The following VSIG10L2 variants were observed in gnomAD, a reference collection of about 807,000 sequenced individuals.
VSIG10L2 encodes V-set and immunoglobulin domain-containing protein 10-like 2.
Under a neutral mutation model 67.1 loss-of-function variants are expected in VSIG10L2, and 56 were observed. The observed-to-expected ratio is 0.83, with a 90% CI of 0.67 to 1.04. VSIG10L2 has a LOEUF of 1.04. VSIG10L2 is among the 50% of genes least tolerant of loss of function. VSIG10L2 has a pLI of 0.00. For synonymous variants in VSIG10L2, 360 were observed against 396.6 expected (o/e 0.91, Z 1.10); for missense variants, 843 against 932.8 (o/e 0.90, Z 1.25).
intron 5 of VSIG10L2, 128 bp from the exon 6 acceptor site, chr11:125,951,685 G>C: frequency 2.1e-6 from 2 of 931,090 alleles, no homozygotes; most frequent in South Asian, 1.8e-5. Context: ...ATGAGTGTGT[G>C]AATGAGTGAG....
In VSIG10L2 at chr11:125,955,802, A is replaced by T. The variant is rs1945461599; in HGVS notation, c.2285-15A>T. 1.2e-6 allele frequency: 1 copy of T among 829,866 alleles called. No homozygotes were observed. The highest frequency in any genetic ancestry group is 2.0e-6 in the Non-Finnish European group (1 of 503,716). 51.4% of individuals were successfully genotyped at this position (829,866 alleles called of 1,614,324 possible). A position where few individuals can be genotyped will look rare whatever the true frequency, so the allele number is the denominator to read the frequency against. The stretch of plus-strand genomic sequence containing the variant: ...AAGCATCCCTCTGTTCTTTGCCCAC[A>T]TATGCTCTTCATAGGCCTTGAAACA... On this transcript the variant is annotated splice_polypyrimidine_tract_variant and intron_variant, in intron 11 of 11. Transcript: ENST00000686984.
In VSIG10L2 at chr11:125,955,194, G is replaced by T; in HGVS notation, c.2206+15G>T. The T allele has an allele frequency of 8.0e-7, 1 of 1,248,624 alleles. No homozygotes were observed. The highest frequency in any genetic ancestry group is 1.0e-6 in the Non-Finnish European group (1 of 997,976). 77.3% of individuals were successfully genotyped at this position (1,248,624 alleles called of 1,614,324 possible). The stretch of plus-strand genomic sequence containing the variant: ...GACTTTCCCCCGTGAGTGGGAATCG[G>T]AAGGGACGGGCTGCTTGACCCCACA... On this transcript the variant is annotated intron_variant, in intron 9 of 11. Transcript: ENST00000686984.
chr11:125,951,768 C>A, intron 5 of VSIG10L2, 45 bp from the exon 6 acceptor site: 1 of 1,440,422 alleles, frequency 6.9e-7, no homozygotes, highest in Admixed American at 2.6e-5. Context: ...ACTGCCAAGC[C>A]CTTCCTCCTT....
At chr11:125,952,721 C>T (rs1380992020) in intron 6 of VSIG10L2, among the ~76,000 whole-genome samples, 2 of 152,224 alleles carry the variant, frequency 1.3e-5, no homozygotes, top group Non-Finnish European at 2.9e-5. Flanking sequence ...CTTCATCTGG[C>T]TCTGCCAGTC....
chr11:125,955,726 G>A lies in VSIG10L2; in HGVS notation c.2284+59G>A, dbSNP rs181138362. The A allele has an allele frequency of 1.1e-3, 1,597 of 1,389,092 alleles. 5 individuals carry two copies. The highest frequency in any genetic ancestry group is 3.4e-3 in the South Asian group (278 of 80,724). 86.0% of individuals were successfully genotyped at this position (1,389,092 alleles called of 1,614,324 possible). A position where few individuals can be genotyped will look rare whatever the true frequency, so the allele number is the denominator to read the frequency against. On this transcript the variant is annotated intron_variant, in intron 11 of 11. Transcript: ENST00000686984. Reference sequence around the variant, plus strand: ...TACAAGGAGACCAGTGCTGGGTGCTGAGGGTGATGCTTGGTCTCTCTTGAG... The same window carrying A: ...TACAAGGAGACCAGTGCTGGGTGCTAAGGGTGATGCTTGGTCTCTCTTGAG...
intron 3 of VSIG10L2, 64 bp from the exon 4 acceptor site, chr11:125,949,950 T>G: frequency 2.9e-5 from 36 of 1,223,460 alleles, no homozygotes; most frequent in South Asian, 4.2e-5. Flanking sequence ...CATTCAGAGA[T>G]GAGCATGTGC....
chr11:125,954,221 C>T lies in VSIG10L2; in HGVS notation c.1921C>T (p.Leu641=). The T allele has an allele frequency of 8.1e-7, 1 of 1,232,290 alleles. No individual in the cohort carries two copies. The highest frequency in any genetic ancestry group is 1.0e-6 in the Non-Finnish European group (1 of 988,074). 76.3% of individuals were successfully genotyped at this position (1,232,290 alleles called of 1,614,324 possible). Residue 641 remains leucine (L), a synonymous_variant, in exon 8 of 12, where the codon CTG becomes TTG. Coordinates refer to ENST00000686984, the MANE Select transcript of VSIG10L2 (RefSeq NM_001365077.2). ...GFLVQRKASA[L]GPGAGAWETA... The stretch of plus-strand genomic sequence containing the variant: ...CCTGGTGCAGCGGAAGGCCAGTGCC[C>T]TGGGCCCAGGAGCTGGGGCGTGGGA...
rs138616522 is a variant in VSIG10L2, at chr11:125,953,801, C to T, written c.1786+111C>T. ...AGGATTCCCTGCTCCAAAATTTGGA[C>T]GCTTGAGCTTCCTTGGGCATAGGCA... On this transcript the variant is annotated intron_variant, in intron 7 of 11. Coordinates refer to ENST00000686984, the MANE Select transcript of VSIG10L2 (RefSeq NM_001365077.2). 2.7e-4 allele frequency: 286 copies of T among 1,069,292 alleles called. 1 individual carries two copies. In the African/African-American group the frequency reaches 3.1e-3, roughly 12 times the overall value. The allele number at this position is 1,069,292 out of a possible 1,614,324, so 66.2% of individuals were successfully genotyped here.
chr11:125,955,105 C>G lies in VSIG10L2; in HGVS notation c.2132C>G (p.Thr711Arg), dbSNP rs536232128. The G allele has an allele frequency of 2.4e-6, 3 of 1,239,266 alleles. No homozygotes were observed. 76.8% of individuals were successfully genotyped at this position (1,239,266 alleles called of 1,614,324 possible). A position where few individuals can be genotyped will look rare whatever the true frequency, so the allele number is the denominator to read the frequency against. The change falls in exon 9 of 12, where the codon ACG becomes AGG. Residue 711 changes from threonine (T) to arginine (R), a missense_variant. Thr to Arg is a moderately conservative substitution (Grantham distance 71, BLOSUM62 -1). Around this residue, in one of 2 missense-constraint regions of VSIG10L2, gnomAD observed 397 missense variants for 384.4 expected, o/e 1.03. Transcript: ENST00000686984. ...CCAGCGGTGTTGGGTGCAGCAGGCA[C>G]GGGAATGGTGGTAGCAACGGTGGCC... ...AYPAVLGAAG[T>R]GMVVATVASL...
intron 5 of VSIG10L2, 71 bp downstream of exon 5, chr11:125,951,229 C>T (rs973118796): frequency 5.8e-5 from 71 of 1,228,544 alleles, no homozygotes; most frequent in South Asian, 8.3e-5. Flanking sequence ...AGGGTAGAGG[C>T]GGGGGGCCTG....
chr11:125,954,847 A>G (rs1447651002), intron 8 of VSIG10L2, among the ~76,000 whole-genome samples: 1 of 152,136 alleles, frequency 6.6e-6, no homozygotes, highest in Admixed American at 6.5e-5. Context: ...TTGGCAGGAG[A>G]GTCAAACCCC....
chr11:125,955,731 T>G (rs1591532456), intron 11 of VSIG10L2, 64 bp downstream of exon 11: 1 of 1,353,658 alleles, frequency 7.4e-7, no homozygotes, highest in African/African-American at 1.4e-5. Context: ...GTGCTGAGGG[T>G]GATGCTTGGT....
intron 10 of VSIG10L2, 51 bp from the exon 11 acceptor site, chr11:125,955,564 A>G: frequency 6.9e-7 from 1 of 1,457,494 alleles, no homozygotes; most frequent in Non-Finnish European, 9.2e-7. Flanking sequence ...TTGGAAAGGA[A>G]AGCGAGGGAA....
In VSIG10L2 at chr11:125,951,067, C is replaced by T. The variant is rs1008518495; in HGVS notation, c.1143C>T (p.His381=). 7.1e-5 allele frequency: 88 copies of T among 1,232,566 alleles called. No homozygotes were observed. The highest frequency in any genetic ancestry group is 3.1e-4 in the Middle Eastern group (1 of 3,234). The allele number at this position is 1,232,566 out of a possible 1,614,324, so 76.4% of individuals were successfully genotyped here. The change falls in exon 5 of 12, where the codon CAC becomes CAT. Residue 381 remains histidine (H), a synonymous_variant. Coordinates refer to ENST00000686984, the MANE Select transcript of VSIG10L2 (RefSeq NM_001365077.2). ...PTAPSNVTWS[H]AAAQLPSGSV... ...CCCCCAGCAACGTCACCTGGAGTCA[C>T]GCAGCCGCCCAGCTCCCCAGTGGCA...
rs1364766134 is a variant in VSIG10L2 at position 125,955,618 on chromosome 11, G to A, written c.2235G>A (p.Glu745=). Residue 745 remains glutamate (E), a synonymous_variant, in exon 11 of 12, where the codon GAG becomes GAA. Transcript: ENST00000686984. ...TACTCTCCCACTTCACTCTCAGGGAGCAAAGGCACCAACAGAGGGGTTCCA... is the reference window on the plus strand; with the variant it reads ...TACTCTCCCACTTCACTCTCAGGGAACAAAGGCACCAACAGAGGGGTTCCA... The part of the protein sequence containing the change: ...PRLGQLLVPT[E]QRHQQRGSRE... 6.5e-7 allele frequency: 1 copy of A among 1,530,114 alleles called. No homozygotes were observed. Among genetic ancestry groups the A allele is most frequent in the Non-Finnish European group, 8.7e-7 (1 of 1,143,876 alleles). 94.8% of individuals were successfully genotyped at this position (1,530,114 alleles called of 1,614,324 possible).
Position 125,948,300 on chromosome 11 carries a change from G to T in VSIG10L2, c.434-5G>T. 8.1e-7 allele frequency: 1 copy of T among 1,232,586 alleles called. No homozygotes were observed. Among genetic ancestry groups the T allele is most frequent in the African/African-American group, 1.5e-5 (1 of 64,536 alleles). 76.4% of individuals were successfully genotyped at this position (1,232,586 alleles called of 1,614,324 possible). On this transcript the variant is annotated splice_polypyrimidine_tract_variant and splice_region_variant and intron_variant, in intron 2 of 11. Transcript: ENST00000686984. Reference sequence around the variant, plus strand: ...ACACAGCGGGCCTCTCCCTCCTCTGGCCAGTGCCGGTGTCCAAGCCTCAAG... The same window carrying T: ...ACACAGCGGGCCTCTCCCTCCTCTGTCCAGTGCCGGTGTCCAAGCCTCAAG...
chr11:125,950,400 C>A, intron 4 of VSIG10L2, 111 bp downstream of exon 4: 1 of 1,115,966 alleles, frequency 9.0e-7, no homozygotes, highest in Non-Finnish European at 1.1e-6. Flanking sequence ...GAGGCGTGTG[C>A]CAAAGCTGCT....
At chr11:125,950,843 C>T (rs1209600845) in intron 4 of VSIG10L2, 67 bp from the exon 5 acceptor site, 39 of 1,230,494 alleles carry the variant, frequency 3.2e-5, no homozygotes, top group Non-Finnish European at 3.3e-5. Context: ...ACTCCCCTGC[C>T]TGGGCCTGGG....
Position 125,955,808 on chromosome 11 carries a change from T to G in VSIG10L2, c.2285-9T>G, listed in dbSNP as rs1159895216. On this transcript the variant is annotated splice_polypyrimidine_tract_variant and intron_variant, in intron 11 of 11. Transcript: ENST00000686984. ...CCCTCTGTTCTTTGCCCACATATGC[T>G]CTTCATAGGCCTTGAAACACCAACC... is the stretch of plus-strand genomic sequence containing the variant. 1.3e-6 allele frequency: 1 copy of G among 794,288 alleles called. No homozygotes were observed. Among genetic ancestry groups the G allele is most frequent in the South Asian group, 1.5e-5 (1 of 68,066 alleles). The allele number at this position is 794,288 out of a possible 1,614,324, so 49.2% of individuals were successfully genotyped here. A position where few individuals can be genotyped will look rare whatever the true frequency, so the allele number is the denominator to read the frequency against.
Sources: allele counts gnomAD v4.1 joint callset (sites outside exome capture counted in the v4.1 genomes callset), GRCh38; gene constraint gnomAD v4.1.1; regional missense constraint gnomAD v4.1.1; transcripts MANE v1.5; gene names NCBI Gene and HGNC (gene_info 2026-07-23, HGNC 2026-07-21).